Variants in FOXK2 observed in about 807,000 individuals in gnomAD.
FOXK2 encodes the protein forkhead box protein K2.
In FOXK2, 24 loss-of-function variants were observed where a neutral mutation model predicts 53.3. That is an observed-to-expected ratio of 0.45 (90% confidence interval 0.33 to 0.63). FOXK2 has a LOEUF of 0.63. Ranked by LOEUF, FOXK2 falls within the 30% of genes least tolerant of loss-of-function variation. The pLI, the probability that FOXK2 is intolerant of heterozygous loss-of-function variation, is 0.03. For missense variants in FOXK2, 952 were observed against 910.5 expected, an observed-to-expected ratio of 1.05 and a Z score of -0.59; for synonymous variants, 505 against 407.1, an observed-to-expected ratio of 1.24 and a Z score of -2.89.
intron 4 of FOXK2, among the ~76,000 whole-genome samples, chr17:82,574,716 C>T (rs762815277): frequency 2.8e-4 from 43 of 152,284 alleles, no homozygotes; most frequent in African/African-American, 6.7e-4. Context: ...TTCTCTGAGC[C>T]GCCCTTCCCA....
At chr17:82,559,513 C>G in intron 1 of FOXK2, 1 of 456,248 alleles carries the variant, frequency 2.2e-6, no homozygotes, top group East Asian at 6.9e-5. Context: ...GGGAACACGT[C>G]CCCACGTGGG....
chr17:82,591,003 G>A (rs2045248048), intron 8 of FOXK2, among the ~76,000 whole-genome samples: 1 of 152,226 alleles, frequency 6.6e-6, no homozygotes. Flanking sequence ...TCTGCCACCA[G>A]CTGCTGTGGG....
At chr17:82,553,499 A>G (rs978548851) in intron 1 of FOXK2, among the ~76,000 whole-genome samples, 2 of 152,262 alleles carry the variant, frequency 1.3e-5, no homozygotes, top group African/African-American at 4.8e-5. Flanking sequence ...TCAAGGACAC[A>G]TGACCTGCTT....
At chr17:82,525,954 T>TAATTTCTTATGTGGCCTGAATCCCAC (rs2044414019) in intron 1 of FOXK2, among the ~76,000 whole-genome samples, 1 of 143,488 alleles carries the variant, frequency 7.0e-6, no homozygotes, top group African/African-American at 2.6e-5. Context: ...ATCCCACACT[T>TAATTTCTTATGTGGCCTGAATCCCAC]ACTTTCTTAT....
chr17:82,596,858 A>C (rs1304145798), intron 8 of FOXK2, among the ~76,000 whole-genome samples: 1 of 152,104 alleles, frequency 6.6e-6, no homozygotes, highest in Non-Finnish European at 1.5e-5. Context: ...CACCTACTTC[A>C]GGTTCCATTT....
intron 1 of FOXK2, among the ~76,000 whole-genome samples, chr17:82,541,553 A>G (rs1183254044): frequency 6.6e-6 from 1 of 152,110 alleles, no homozygotes; most frequent in Admixed American, 6.6e-5. Context: ...GTGAGTCACC[A>G]CGCCTGGCCA....
At chr17:82,576,068 G>A (rs1164488975) in intron 4 of FOXK2, among the ~76,000 whole-genome samples, 1 of 115,440 alleles carries the variant, frequency 8.7e-6, no homozygotes, top group Non-Finnish European at 1.7e-5. Context: ...TGGCGGCGGC[G>A]GGTTCGTCCA....
chr17:82,581,859 C>A (rs2045066764), intron 4 of FOXK2, among the ~76,000 whole-genome samples: 1 of 152,140 alleles, frequency 6.6e-6, no homozygotes, highest in African/African-American at 2.4e-5. Flanking sequence ...AGCCGCTGCG[C>A]CCGTCTGGCT....
At chr17:82,523,627 A>G (rs535445361) in intron 1 of FOXK2, among the ~76,000 whole-genome samples, 4 of 151,798 alleles carry the variant, frequency 2.6e-5, no homozygotes, top group Admixed American at 2.0e-4. Context: ...TGTGCACTAC[A>G]CCACCGCACC....
chr17:82,525,954 T>TTCTTTCTTATGTGGCCTGAATCCCAC (rs1567962864), intron 1 of FOXK2, among the ~76,000 whole-genome samples: 1 of 143,488 alleles, frequency 7.0e-6, no homozygotes, highest in African/African-American at 2.6e-5. Context: ...ATCCCACACT[T>TTCTTTCTTATGTGGCCTGAATCCCAC]ACTTTCTTAT....
intron 1 of FOXK2, among the ~76,000 whole-genome samples, chr17:82,557,188 A>G (rs1228740285): frequency 1.3e-5 from 2 of 148,998 alleles, no homozygotes; most frequent in African/African-American, 5.0e-5. Flanking sequence ...AGGTACCACC[A>G]CGCCTGGCTA....
Position 82,520,059 on chromosome 17 carries a change from C to G in FOXK2, c.171C>G (p.Gly57=), listed in dbSNP as rs761265398. Residue 57 remains glycine, a synonymous_variant, in exon 1 of 9, where the codon GGC becomes GGG. Coordinates refer to ENST00000335255, the MANE Select transcript of FOXK2 (RefSeq NM_004514.4). Reference sequence around the variant, plus strand: ...TGAAGAAGCGCTCGGTGACCATCGGCCGCAACTCGTCGCAGGGCTCGGTGG... The same window carrying G: ...TGAAGAAGCGCTCGGTGACCATCGGGCGCAACTCGTCGCAGGGCTCGGTGG... ...YLMKKRSVTI[G]RNSSQGSVDV... is the part of the protein sequence containing the mutation. The G allele has an allele frequency of 1.3e-6, 2 of 1,540,806 alleles. No individual in the cohort carries two copies. Among genetic ancestry groups the G allele is most frequent in the African/African-American group, 1.4e-5 (1 of 69,832 alleles).
intron 1 of FOXK2, among the ~76,000 whole-genome samples, chr17:82,539,675 T>A (rs1188662510): frequency 2.0e-5 from 3 of 150,590 alleles, no homozygotes; most frequent in African/African-American, 2.4e-5. Context: ...AAAAAATATA[T>A]GTAAATGGGC....
intron 2 of FOXK2, among the ~76,000 whole-genome samples, chr17:82,564,034 A>G (rs530261250): frequency 7.3e-5 from 11 of 149,812 alleles, no homozygotes; most frequent in Non-Finnish European, 1.0e-4. Flanking sequence ...TTACAGGCTG[A>G]GCCACTGCAC....
intron 1 of FOXK2, among the ~76,000 whole-genome samples, chr17:82,542,244 C>T (rs528100939): frequency 6.6e-6 from 1 of 151,786 alleles, no homozygotes; most frequent in East Asian, 1.9e-4. Flanking sequence ...TCACTGCAAC[C>T]TCCGCCTCCT....
chr17:82,559,586 T>C, intron 1 of FOXK2: 4 of 428,234 alleles, frequency 9.3e-6, no homozygotes, highest in South Asian at 6.6e-5. Flanking sequence ...TAGGGTGGCT[T>C]TCAGATCCTG....
intron 8 of FOXK2, 43 bp from the exon 9 acceptor site, chr17:82,601,260 T>C: frequency 6.3e-7 from 1 of 1,584,848 alleles, no homozygotes; most frequent in Non-Finnish European, 8.6e-7. Flanking sequence ...TCGCGAGGGT[T>C]CACGTGAGAG....
chr17:82,553,835 C>CT lies in FOXK2; in HGVS notation c.420-9509dup, dbSNP rs557049053. Reference sequence around the variant, plus strand: ...TGGGCTGTGGGGCTGCTTTCAAGTACTTTTTTTTTTATTTCCCGAGATGGA... The same window carrying CT: ...TGGGCTGTGGGGCTGCTTTCAAGTACTTTTTTTTTTTATTTCCCGAGATGGA... On this transcript the variant is annotated intron_variant, in intron 1 of 8. Transcript: ENST00000335255. Among the ~76,000 whole-genome samples the CT allele has an allele frequency of 2.1e-4, 32 of 149,212 alleles. 1 individual carries two copies. Among genetic ancestry groups the CT allele is most frequent in the South Asian group, 1.5e-3 (7 of 4,698 alleles).
Position 82,519,790 on chromosome 17 carries a change from C to T in FOXK2, c.-99C>T, listed in dbSNP as rs1421111248. 4 of 360,886 alleles carry T rather than the reference C, an allele frequency of 1.1e-5. No homozygotes were observed. Among genetic ancestry groups the T allele is most frequent in the Non-Finnish European group, 7.6e-6 (2 of 262,650 alleles). The allele number at this position is 360,886 out of a possible 1,614,324, so 22.4% of individuals were successfully genotyped here. ...GCGGCCTCCGCTCGGCCCCCTCCCT[C>T]AGCTCCGGTGCGCGGCGGCCGACGA... is the stretch of plus-strand genomic sequence containing the variant. On this transcript the variant is annotated 5_prime_UTR_variant, in exon 1 of 9. Transcript: ENST00000335255.
Sources: gnomAD v4.1 joint callset for allele counts (sites outside exome capture counted in the v4.1 genomes callset) on GRCh38, gnomAD v4.1.1 for gene constraint, MANE v1.5 for transcripts, NCBI Gene and HGNC (gene_info 2026-07-23, HGNC 2026-07-21) for gene names.